The following BAZ2B variants were observed in gnomAD, a reference collection of about 807,000 sequenced individuals.
The protein encoded by BAZ2B is bromodomain adjacent to zinc finger domain 2B.
In BAZ2B, 91 loss-of-function variants were observed where a neutral mutation model predicts 246.0. The observed-to-expected ratio is 0.37, with a 90% confidence interval of 0.31 to 0.44. The LOEUF (loss-of-function observed/expected upper bound fraction) is 0.44. Ranked by LOEUF, BAZ2B falls within the 20% of genes least tolerant of loss-of-function variation. The pLI is 1.00. For synonymous variants in BAZ2B, 855 were observed against 860.0 expected (o/e 0.99, Z 0.10); for missense variants, 2,332 against 2,533.7 (o/e 0.92, Z 1.71).
intron 2 of BAZ2B, among the ~76,000 whole-genome samples, chr2:159,479,495 T>C (rs1269058159): frequency 6.6e-6 from 1 of 152,134 alleles, no homozygotes; most frequent in Non-Finnish European, 1.5e-5. Flanking sequence ...CACAGATGCT[T>C]TAAAGAGAAC....
intron 13 of BAZ2B, among the ~76,000 whole-genome samples, chr2:159,416,913 G>A (rs2067823226): frequency 6.6e-6 from 1 of 152,154 alleles, no homozygotes; most frequent in Non-Finnish European, 1.5e-5. Flanking sequence ...ATAATTGTGG[G>A]TGAGAACAAG....
In BAZ2B at chr2:159,320,172, T is replaced by C; in HGVS notation, c.*93A>G. 1 of 1,113,746 alleles carries C rather than the reference T, an allele frequency of 9.0e-7. No homozygotes were observed. Among genetic ancestry groups the C allele is most frequent in the Non-Finnish European group, 1.2e-6 (1 of 836,928 alleles). The allele number at this position is 1,113,746 out of a possible 1,614,324, so 69.0% of individuals were successfully genotyped here. ...CTTAAGGAAAAAGAAAGTCATTATG[T>C]ATGTGCCTTGCACGTTTATGTAAAT... On this transcript the variant is annotated 3_prime_UTR_variant, in exon 37 of 37. Transcript: ENST00000392783.
At chr2:159,686,389 C>T in the BAZ2B span, among the ~76,000 whole-genome samples, 2 of 152,066 alleles carry the variant, frequency 1.3e-5, no homozygotes, top group African/African-American at 2.4e-5. Flanking sequence ...TTTGCCTCTG[C>T]GGTATTATTT....
At chr2:159,609,104 C>A (rs887611870) in intron 1 of BAZ2B, among the ~76,000 whole-genome samples, 2 of 152,158 alleles carry the variant, frequency 1.3e-5, no homozygotes, top group Admixed American at 6.5e-5. Context: ...TCTCCTCCCA[C>A]CCTTCTCACT....
chr2:159,331,558 G>A (rs2148898916), intron 34 of BAZ2B, among the ~76,000 whole-genome samples: 1 of 152,246 alleles, frequency 6.6e-6, no homozygotes, highest in South Asian at 2.1e-4. Context: ...TGTATTTTTA[G>A]TAGAGATGGG....
chr2:159,708,257 G>A, the BAZ2B span, among the ~76,000 whole-genome samples: 37 of 151,496 alleles, frequency 2.4e-4, no homozygotes, highest in Admixed American at 3.9e-4. Context: ...TGGTACCGCC[G>A]GGTACTCCAG....
chr2:159,668,959 G>A, the BAZ2B span, among the ~76,000 whole-genome samples: 1 of 152,064 alleles, frequency 6.6e-6, no homozygotes, highest in Non-Finnish European at 1.5e-5. Flanking sequence ...GGGAGGCTGA[G>A]GCAGGAGAAT....
chr2:159,439,871 T>G (rs939816645), intron 6 of BAZ2B, among the ~76,000 whole-genome samples: 17 of 152,002 alleles, frequency 1.1e-4, no homozygotes, highest in African/African-American at 3.9e-4. Flanking sequence ...AGGTAGAAGA[T>G]GAGGTAGATA....
At chr2:159,646,282 C>T in the BAZ2B span, among the ~76,000 whole-genome samples, 26 of 152,250 alleles carry the variant, frequency 1.7e-4, no homozygotes, top group African/African-American at 4.8e-4. Flanking sequence ...GGCTCTGTTC[C>T]GCCTGGCTCA....
chr2:159,509,672 G>C (rs2082706535), intron 2 of BAZ2B, among the ~76,000 whole-genome samples: 3 of 152,010 alleles, frequency 2.0e-5, no homozygotes, highest in Admixed American at 6.6e-5. Flanking sequence ...ATTGAAAACA[G>C]GGACTTGAAA....
intron 6 of BAZ2B, chr2:159,444,851 A>C (rs976410255): frequency 6.6e-6 from 1 of 152,494 alleles, no homozygotes; most frequent in Non-Finnish European, 1.5e-5. Flanking sequence ...TTTTTATAAA[A>C]CACAGAAGAG....
chr2:159,690,081 ATGCAACTTCATCATTC>A, the BAZ2B span: 1 of 502,516 alleles, frequency 2.0e-6, no homozygotes, highest in Non-Finnish European at 3.4e-6. Flanking sequence ...ATTTTTCTAA[ATGCAACTTCATCATTC>A]TGCAAATCAG....
At chr2:159,529,282 G>A (rs548362787) in intron 2 of BAZ2B, among the ~76,000 whole-genome samples, 1 of 151,370 alleles carries the variant, frequency 6.6e-6, no homozygotes, top group South Asian at 2.1e-4. Context: ...GCAACAATGT[G>A]GGCTTTGGTT....
At chr2:159,414,859 T>A (rs1217276459) in intron 13 of BAZ2B, among the ~76,000 whole-genome samples, 2 of 151,718 alleles carry the variant, frequency 1.3e-5, no homozygotes, top group Non-Finnish European at 2.9e-5. Context: ...TATATATACC[T>A]ATTATGTACT....
intron 2 of BAZ2B, among the ~76,000 whole-genome samples, chr2:159,543,179 G>T (rs898983052): frequency 2.0e-5 from 3 of 152,092 alleles, no homozygotes; most frequent in Non-Finnish European, 4.4e-5. Flanking sequence ...TTTTATAGAG[G>T]TTCTAAAAAT....
chr2:159,481,232 T>C (rs1044936783), intron 2 of BAZ2B, among the ~76,000 whole-genome samples: 2 of 152,100 alleles, frequency 1.3e-5, no homozygotes, highest in Admixed American at 6.5e-5. Context: ...GCACAAGAAA[T>C]CCTGGCCATC....
the BAZ2B span, among the ~76,000 whole-genome samples, chr2:159,684,908 A>G: frequency 3.9e-5 from 6 of 152,200 alleles, no homozygotes; most frequent in South Asian, 8.3e-4. Context: ...AAGAAATGCT[A>G]TATTTTCATA....
chr2:159,699,809 C>T, the BAZ2B span, among the ~76,000 whole-genome samples: 1 of 152,164 alleles, frequency 6.6e-6, no homozygotes, highest in South Asian at 2.1e-4. Context: ...CTCACAACTC[C>T]TAGAACTTTA....
chr2:159,574,142 TAC>T (rs70997110), intron 1 of BAZ2B, among the ~76,000 whole-genome samples: 6,705 of 145,116 alleles, frequency 0.046, 183 homozygotes, highest in Middle Eastern at 0.1. Flanking sequence ...CACACACACA[TAC>T]ACACACACAC....
Sources: gnomAD v4.1 joint callset for allele counts (sites outside exome capture counted in the v4.1 genomes callset) on GRCh38, gnomAD v4.1.1 for gene constraint, MANE v1.5 for transcripts, NCBI Gene and HGNC (gene_info 2026-07-23, HGNC 2026-07-21) for gene names.